Variants in C8orf89 observed in about 807,000 individuals in gnomAD.
C8orf89 encodes putative uncharacterized protein C8orf89.
Under a neutral mutation model 15.8 loss-of-function variants are expected in C8orf89, and 14 were observed. The observed-to-expected ratio is 0.89, with a 90% CI of 0.59 to 1.39. The LOEUF is 1.39. C8orf89 is among the 40% of genes most tolerant of loss of function. C8orf89 has a pLI of 0.00. For synonymous variants in C8orf89, 55 were observed against 62.2 expected (o/e 0.88, Z 0.54); for missense variants, 181 against 184.5 (o/e 0.98, Z 0.11).
At position 73,256,625 on chromosome 8, in the gene C8orf89, G is replaced by A. The variant is rs558274609; in HGVS notation, c.281+348C>T. Among the ~76,000 whole-genome samples the A allele has an allele frequency of 2.6e-3, 393 of 150,900 alleles. 3 individuals are homozygous for A. The highest frequency in any genetic ancestry group is 8.7e-3 in the African/African-American group (359 of 41,030). On this transcript the variant is annotated intron_variant, in intron 2 of 3. Coordinates refer to ENST00000624510, the MANE Select transcript of C8orf89 (RefSeq NM_001243237.3). ...CGCCTGTAATCCCAGCTACTCAGGA[G>A]GCTGAGGCAGGAGAATCGCTGGAAT... is the stretch of plus-strand genomic sequence containing the variant.
the C8orf89 span, among the ~76,000 whole-genome samples, chr8:73,267,799 T>C: frequency 6.6e-6 from 1 of 152,304 alleles, no homozygotes; most frequent in Non-Finnish European, 1.5e-5. Context: ...GAGATTTTCC[T>C]CAATAATCTG....
At chr8:73,250,366 C>A (rs1009141753) in intron 2 of C8orf89, 43 bp from the exon 3 acceptor site, 5 of 1,170,686 alleles carry the variant, frequency 4.3e-6, no homozygotes, top group Admixed American at 4.3e-5. Context: ...CATATAAATT[C>A]AGGGCACAAT....
chr8:73,277,512 G>A, the C8orf89 span: 1 of 779,052 alleles, frequency 1.3e-6, no homozygotes, highest in Middle Eastern at 2.4e-4. Context: ...CTTCCCTGAG[G>A]ATGAAGCCTT....
the C8orf89 span, among the ~76,000 whole-genome samples, chr8:73,282,034 A>C: frequency 5.3e-5 from 8 of 152,250 alleles, no homozygotes; most frequent in Admixed American, 3.9e-4. Flanking sequence ...GTGAGCAAGA[A>C]ATAACTTTTC....
At chr8:73,241,921 T>C (rs747169552) in intron 3 of C8orf89, among the ~76,000 whole-genome samples, 3 of 152,110 alleles carry the variant, frequency 2.0e-5, no homozygotes, top group Non-Finnish European at 4.4e-5. Context: ...CTGGGTATTA[T>C]GGATATTATA....
the C8orf89 span, among the ~76,000 whole-genome samples, chr8:73,279,078 T>G: frequency 6.6e-6 from 1 of 152,228 alleles, no homozygotes; most frequent in East Asian, 1.9e-4. Context: ...GTCTTATGGT[T>G]TCCATTCCTT....
rs976054282 is a variant in C8orf89 at position 73,241,351 on chromosome 8, T to A, written c.*106A>T. The A allele has an allele frequency of 1.1e-5, 10 of 914,766 alleles. No individual in the cohort carries two copies. In the African/African-American group the frequency reaches 1.7e-4, roughly 15 times the overall value. 56.7% of individuals were successfully genotyped at this position (914,766 alleles called of 1,614,324 possible). On this transcript the variant is annotated 3_prime_UTR_variant, in exon 4 of 4. Coordinates refer to ENST00000624510, the MANE Select transcript of C8orf89 (RefSeq NM_001243237.3). ...ATCTATAATGTAAAATATTTATTTA[T>A]TTACATTTCCATTTTTATATAAATC...
intron 3 of C8orf89, among the ~76,000 whole-genome samples, chr8:73,249,093 T>C (rs1192618055): frequency 6.6e-6 from 1 of 152,192 alleles, no homozygotes; most frequent in African/African-American, 2.4e-5. Context: ...TTATGGTATG[T>C]CCTTCAATAC....
At chr8:73,256,789 G>A (rs1393151030) in intron 2 of C8orf89, among the ~76,000 whole-genome samples, 184 bp downstream of exon 2, 1 of 113,702 alleles carries the variant, frequency 8.8e-6, no homozygotes, top group African/African-American at 3.3e-5. Context: ...CGAAAACAGA[G>A]AAAAGTGCCG....
At chr8:73,258,134 G>A (rs1813441633) in intron 1 of C8orf89, among the ~76,000 whole-genome samples, 1 of 152,152 alleles carries the variant, frequency 6.6e-6, no homozygotes, top group Non-Finnish European at 1.5e-5. Flanking sequence ...ATTATTGGCT[G>A]GGCGTGGTGG....
upstream of C8orf89, among the ~76,000 whole-genome samples, chr8:73,259,814 C>T (rs1057060761): frequency 2.0e-5 from 3 of 151,866 alleles, no homozygotes; most frequent in Admixed American, 6.6e-5. Context: ...TTATTTTAAA[C>T]GTGGACACAG....
At chr8:73,263,606 T>A (rs1813567451), upstream of C8orf89, among the ~76,000 whole-genome samples, 2 of 152,226 alleles carry the variant, frequency 1.3e-5, no homozygotes, top group Admixed American at 1.3e-4. Flanking sequence ...AAATATTGGC[T>A]CACATATTTA....
chr8:73,251,435 G>T (rs1813245823), intron 2 of C8orf89, among the ~76,000 whole-genome samples: 1 of 152,104 alleles, frequency 6.6e-6, no homozygotes, highest in Non-Finnish European at 1.5e-5. Context: ...CTAAAATGAA[G>T]ACACTTGAGT....
intron 3 of C8orf89, among the ~76,000 whole-genome samples, chr8:73,243,089 G>C (rs532998469): frequency 4.0e-4 from 61 of 152,086 alleles, no homozygotes; most frequent in African/African-American, 1.4e-3. Flanking sequence ...AGTTATTTGT[G>C]GGTGCTAAAA....
the C8orf89 span, among the ~76,000 whole-genome samples, chr8:73,268,152 G>C: frequency 2.0e-5 from 3 of 152,146 alleles, no homozygotes; most frequent in Non-Finnish European, 4.4e-5. Context: ...TCCGTATAGG[G>C]GGTAGGGATA....
intron 2 of C8orf89, among the ~76,000 whole-genome samples, chr8:73,256,193 A>G (rs1813380083): frequency 6.6e-6 from 1 of 151,682 alleles, no homozygotes; most frequent in Non-Finnish European, 1.5e-5. Flanking sequence ...GGTCAGGGAG[A>G]CTTTTCTGGC....
At chr8:73,263,592 T>C (rs1487233858), upstream of C8orf89, among the ~76,000 whole-genome samples, 1 of 152,198 alleles carries the variant, frequency 6.6e-6, no homozygotes, top group East Asian at 1.9e-4. Flanking sequence ...TCAAAGGAAA[T>C]GTTAAATATT....
chr8:73,264,057 C>T (rs1365071576), upstream of C8orf89, among the ~76,000 whole-genome samples: 4 of 152,076 alleles, frequency 2.6e-5, no homozygotes, highest in Admixed American at 2.6e-4. Context: ...AATCTCACAC[C>T]CGTATTTTTT....
At chr8:73,274,874 TATAG>T in the C8orf89 span, among the ~76,000 whole-genome samples, 1 of 152,230 alleles carries the variant, frequency 6.6e-6, no homozygotes, top group Non-Finnish European at 1.5e-5. Flanking sequence ...TGAGTGTACA[TATAG>T]ATTTAGTTTA....
Sources: gnomAD v4.1 joint callset for allele counts (sites outside exome capture counted in the v4.1 genomes callset) on GRCh38, gnomAD v4.1.1 for gene constraint, MANE v1.5 for transcripts, NCBI Gene and HGNC (gene_info 2026-07-23, HGNC 2026-07-21) for gene names.